N4BP2L1: variants seen among roughly 807,000 people sequenced by gnomAD.
N4BP2L1 encodes the protein NEDD4 binding protein 2 like 1.
Under a neutral mutation model 21.2 loss-of-function variants are expected in N4BP2L1, and 12 were observed. The observed-to-expected ratio is 0.57, with a 90% CI of 0.36 to 0.92. The LOEUF (loss-of-function observed/expected upper bound fraction) is 0.92. Ranked by LOEUF, N4BP2L1 falls within the 40% of genes least tolerant of loss-of-function variation. N4BP2L1 has a pLI of 0.01. For missense variants in N4BP2L1, 259 were observed against 310.6 expected (o/e 0.83, Z 1.25); for synonymous variants, 104 against 112.8 (o/e 0.92, Z 0.49).
chr13:32,407,472 C>T (rs2073591412), intron 2 of N4BP2L1, 134 bp from the exon 3 acceptor site: 1 of 1,577,700 alleles, frequency 6.3e-7, no homozygotes, highest in African/African-American at 1.4e-5. Flanking sequence ...CACTATCAAT[C>T]AATAATTTTC....
At chr13:32,421,604 GA>G (rs1397771909) in intron 1 of N4BP2L1, among the ~76,000 whole-genome samples, 3 of 152,116 alleles carry the variant, frequency 2.0e-5, no homozygotes, top group African/African-American at 7.2e-5. Context: ...GGGTTATTGT[GA>G]AGATTCAATA....
At chr13:32,422,304 C>T (rs2074526694) in intron 1 of N4BP2L1, among the ~76,000 whole-genome samples, 1 of 151,922 alleles carries the variant, frequency 6.6e-6, no homozygotes, top group East Asian at 1.9e-4. Flanking sequence ...ACTCATTACC[C>T]TTTCACGAGA....
intron 4 of N4BP2L1, chr13:32,404,109 C>G (rs2073321992): frequency 6.4e-7 from 1 of 1,555,634 alleles, no homozygotes; most frequent in African/African-American, 1.4e-5. Context: ...CAAGTCCAAG[C>G]CAAGATTTAG....
rs1328791177 is a variant in N4BP2L1 at position 32,401,400 on chromosome 13, T to A, written c.*1542A>T. ...ACCTTAGATTCATTGGGATTTACTATTGTCAGCCAAACTTACTCAAAGGAG... is the reference window on the plus strand; with the variant it reads ...ACCTTAGATTCATTGGGATTTACTAATGTCAGCCAAACTTACTCAAAGGAG... On this transcript the variant is annotated 3_prime_UTR_variant, in exon 5 of 5. Transcript: ENST00000380130. 1 of 152,194 alleles carries A rather than the reference T, an allele frequency of 6.6e-6. No homozygotes were observed. The highest frequency in any genetic ancestry group is 2.4e-5 in the African/African-American group (1 of 41,438). The allele number at this position is 152,194 out of a possible 1,614,324, so 9.4% of individuals were successfully genotyped here.
chr13:32,413,147 A>T (rs1414394926), intron 1 of N4BP2L1, among the ~76,000 whole-genome samples: 1 of 152,178 alleles, frequency 6.6e-6, no homozygotes, highest in Non-Finnish European at 1.5e-5. Context: ...GCTGGTCTCC[A>T]ATTCCTGACC....
In N4BP2L1 at chr13:32,401,923, T is replaced by A; in HGVS notation, c.*1019A>T. The A allele has an allele frequency of 2.0e-6, 2 of 985,616 alleles. No individual in the cohort carries two copies. The highest frequency in any genetic ancestry group is 3.5e-5 in the African/African-American group (2 of 57,350). 61.1% of individuals were successfully genotyped at this position (985,616 alleles called of 1,614,324 possible). On this transcript the variant is annotated 3_prime_UTR_variant, in exon 5 of 5. Coordinates refer to ENST00000380130, the MANE Select transcript of N4BP2L1 (RefSeq NM_052818.3). The stretch of plus-strand genomic sequence containing the variant: ...CAACCTGTTGGAAATTAATTTGGAT[T>A]CATAAATTCAGCATCAGTATAAGAA...
chr13:32,429,311 C>T (rs939541004), upstream of N4BP2L1, among the ~76,000 whole-genome samples: 1 of 152,210 alleles, frequency 6.6e-6, no homozygotes, highest in Admixed American at 6.5e-5. Flanking sequence ...GAGCTGCTCT[C>T]CCTTGAAAAT....
At chr13:32,419,198 C>T (rs2137920479) in intron 1 of N4BP2L1, among the ~76,000 whole-genome samples, 1 of 151,286 alleles carries the variant, frequency 6.6e-6, no homozygotes, top group South Asian at 2.1e-4. Flanking sequence ...AGCAGTTACC[C>T]TCATGCTGTT....
At chr13:32,403,559 G>C (rs1029092547) in intron 4 of N4BP2L1, 2 of 428,832 alleles carry the variant, frequency 4.7e-6, no homozygotes, top group African/African-American at 4.1e-5. Context: ...ATGTTAATCA[G>C]TCCCTGAGAT....
chr13:32,402,521 C>G lies in N4BP2L1; in HGVS notation c.*421G>C. 1 of 875,764 alleles carries G rather than the reference C, an allele frequency of 1.1e-6. No homozygotes were observed. Among genetic ancestry groups the G allele is most frequent in the Non-Finnish European group, 1.3e-6 (1 of 777,502 alleles). The allele number at this position is 875,764 out of a possible 1,614,324, so 54.2% of individuals were successfully genotyped here. A position where few individuals can be genotyped will look rare whatever the true frequency, so the allele number is the denominator to read the frequency against. ...ATGGCACTTTGATAAGTAGCAATGC[C>G]CCCCCACCACTTCTCTCCACCTTCC... On this transcript the variant is annotated 3_prime_UTR_variant, in exon 5 of 5. Transcript: ENST00000380130.
chr13:32,419,887 G>A lies in N4BP2L1; in HGVS notation c.179+8017C>T, dbSNP rs2074379410. On this transcript the variant is annotated intron_variant, in intron 1 of 4. Transcript: ENST00000380130. ...ATTCTTCTTGAGGACTTTAAACTGGGAGATAGAAAACAGATTCCATGGCTC... is the reference window on the plus strand; with the variant it reads ...ATTCTTCTTGAGGACTTTAAACTGGAAGATAGAAAACAGATTCCATGGCTC... 2.0e-5 allele frequency among the ~76,000 whole-genome samples: 3 copies of A among 152,198 alleles called. No homozygotes were observed. The South Asian group carries it at 6.2e-4, about 31-fold the overall frequency.
upstream of N4BP2L1, among the ~76,000 whole-genome samples, chr13:32,429,380 A>G (rs2074934267): frequency 6.6e-6 from 1 of 152,248 alleles, no homozygotes. Flanking sequence ...GCTAAGAAAC[A>G]ATGGAATTTC....
rs1477374277 is a variant in N4BP2L1, at chr13:32,415,954, C to T, written c.180-8182G>A. 2.0e-5 allele frequency: 3 copies of T among 152,300 alleles called. No individual in the cohort carries two copies. In the East Asian group the frequency reaches 5.8e-4, roughly 29 times the overall value. 9.4% of individuals were successfully genotyped at this position (152,300 alleles called of 1,614,324 possible). On this transcript the variant is annotated intron_variant, in intron 1 of 4. Transcript: ENST00000380130. ...TTTCCTTAGAGGTTATATCCATTTC[C>T]CTACCTCTGGCACATAAGGTCCACA... is the stretch of plus-strand genomic sequence containing the variant.
upstream of N4BP2L1, among the ~76,000 whole-genome samples, chr13:32,429,011 C>A (rs2074928029): frequency 6.6e-6 from 1 of 152,128 alleles, no homozygotes; most frequent in African/African-American, 2.4e-5. Context: ...ACCATGCCTG[C>A]CTGAAAGAAA....
In N4BP2L1 at chr13:32,401,993, A is replaced by G; in HGVS notation, c.*949T>C. 1.0e-6 allele frequency: 1 copy of G among 985,406 alleles called. No individual in the cohort carries two copies. Among genetic ancestry groups the G allele is most frequent in the Non-Finnish European group, 1.2e-6 (1 of 829,864 alleles). The allele number at this position is 985,406 out of a possible 1,614,324, so 61.0% of individuals were successfully genotyped here. A position where few individuals can be genotyped will look rare whatever the true frequency, so the allele number is the denominator to read the frequency against. ...GACTTGATTGTCTTAATGCCACATA[A>G]AACATCAACTGCTCATTTTGTAATG... On this transcript the variant is annotated 3_prime_UTR_variant, in exon 5 of 5. Coordinates refer to ENST00000380130, the MANE Select transcript of N4BP2L1 (RefSeq NM_052818.3).
intron 1 of N4BP2L1, among the ~76,000 whole-genome samples, chr13:32,408,582 C>G (rs1354675474): frequency 6.6e-6 from 1 of 152,234 alleles, no homozygotes; most frequent in Non-Finnish European, 1.5e-5. Context: ...CTCGTACTAT[C>G]TTTTGGCAGA....
chr13:32,413,503 G>A (rs939386064), intron 1 of N4BP2L1, among the ~76,000 whole-genome samples: 2 of 152,182 alleles, frequency 1.3e-5, no homozygotes, highest in Non-Finnish European at 2.9e-5. Context: ...CATAATGACA[G>A]TCTGTCCCAC....
rs1468484073 is a variant in N4BP2L1, at chr13:32,403,204, C to A, written c.474-4G>T. The A allele has an allele frequency of 2.5e-6, 4 of 1,578,802 alleles. No individual in the cohort carries two copies. In the Admixed American group the frequency reaches 5.6e-5, roughly 22 times the overall value. ...TGAGACACCATGAATGTTTCTTCTACATGGAAAAAAAATGCATTTAGTTAA... is the reference window on the plus strand; with the variant it reads ...TGAGACACCATGAATGTTTCTTCTAAATGGAAAAAAAATGCATTTAGTTAA... On this transcript the variant is annotated splice_polypyrimidine_tract_variant and splice_region_variant and intron_variant, in intron 4 of 4. Transcript: ENST00000380130.
In N4BP2L1 at chr13:32,408,301, T is replaced by C. The variant is rs1047259677; in HGVS notation, c.180-529A>G. Among the ~76,000 whole-genome samples the C allele has an allele frequency of 2.6e-5, 4 of 152,278 alleles. No homozygotes were observed. The South Asian group carries it at 8.3e-4, about 32-fold the overall frequency. ...AATTCTAGTGAGAAATGTGGGGAAG[T>C]GATGCACGTGCTCTACTTTATCAGG... On this transcript the variant is annotated intron_variant, in intron 1 of 4. Coordinates refer to ENST00000380130, the MANE Select transcript of N4BP2L1 (RefSeq NM_052818.3).
Sources: gnomAD v4.1 joint callset for allele counts (sites outside exome capture counted in the v4.1 genomes callset) on GRCh38, gnomAD v4.1.1 for gene constraint, MANE v1.5 for transcripts, NCBI Gene and HGNC (gene_info 2026-07-23, HGNC 2026-07-21) for gene names.